Variants in ZNF675 observed in about 807,000 individuals in gnomAD.
The protein encoded by ZNF675 is TRAF6 inhibitory zinc finger.
A neutral mutation model predicts 56.1 loss-of-function variants in ZNF675; 36 were observed. The observed-to-expected ratio is 0.64, with a 90% CI of 0.49 to 0.85. The LOEUF is 0.85. ZNF675 is among the 40% of genes least tolerant of loss of function. The probability of loss-of-function intolerance (pLI) is 0.00; values close to 1 mark genes in which losing one functional copy is unlikely to be tolerated. For missense variants in ZNF675, 663 were observed against 654.2 expected (o/e 1.01, Z -0.15); for synonymous variants, 200 against 218.9 (o/e 0.91, Z 0.76).
At position 23,678,127 on chromosome 19, in the gene ZNF675, A is replaced by G. The variant is rs1292978316; in HGVS notation, c.3+8904T>C. Reference sequence around the variant, plus strand: ...CAAGAGTAAAACTGTCTTGGGGGGAAAAAAAGTCAGAGATGACGCAAACAA... The same window carrying G: ...CAAGAGTAAAACTGTCTTGGGGGGAGAAAAAGTCAGAGATGACGCAAACAA... On this transcript the variant is annotated intron_variant, in intron 1 of 3. Transcript: ENST00000359788. Among the ~76,000 whole-genome samples the G allele has an allele frequency of 1.3e-5, 2 of 151,778 alleles. 1 individual carries two copies. Among genetic ancestry groups the G allele is most frequent in the African/African-American group, 4.9e-5 (2 of 41,068 alleles).
chr19:23,665,779 A>G (rs1243757629), intron 1 of ZNF675, among the ~76,000 whole-genome samples: 2 of 152,182 alleles, frequency 1.3e-5, no homozygotes, highest in African/African-American at 4.8e-5. Flanking sequence ...GATTAAAGGC[A>G]TGAGCCATGG....
chr19:23,660,820 G>A (rs976696036), intron 3 of ZNF675, among the ~76,000 whole-genome samples: 9 of 151,712 alleles, frequency 5.9e-5, no homozygotes, highest in Admixed American at 5.3e-4. Context: ...GTTTTTCACA[G>A]TAATAAAAAA....
At chr19:23,669,738 A>G (rs2144939054) in intron 1 of ZNF675, among the ~76,000 whole-genome samples, 1 of 152,214 alleles carries the variant, frequency 6.6e-6, no homozygotes, top group East Asian at 1.9e-4. Context: ...CTGTAATGCC[A>G]GCTACTCAGG....
At chr19:23,684,255 C>G (rs1263128592) in intron 1 of ZNF675, among the ~76,000 whole-genome samples, 1 of 149,838 alleles carries the variant, frequency 6.7e-6, no homozygotes, top group Non-Finnish European at 1.5e-5. Context: ...AATCGAGACT[C>G]CGTCTCAAAA....
intron 3 of ZNF675, among the ~76,000 whole-genome samples, chr19:23,659,082 G>A (rs193098992): frequency 9.2e-4 from 139 of 151,196 alleles, no homozygotes; most frequent in African/African-American, 3.2e-3. Context: ...AAATATCTGC[G>A]AATAAATTAT....
chr19:23,682,788 T>C (rs1207248837), intron 1 of ZNF675, among the ~76,000 whole-genome samples: 4 of 151,824 alleles, frequency 2.6e-5, no homozygotes, highest in Admixed American at 2.0e-4. Flanking sequence ...AGTGTTAGTA[T>C]ATAAAAAGAA....
At chr19:23,660,669 A>G (rs1968064119) in intron 3 of ZNF675, among the ~76,000 whole-genome samples, 1 of 152,168 alleles carries the variant, frequency 6.6e-6, no homozygotes, top group African/African-American at 2.4e-5. Context: ...ACAGTGAGAG[A>G]TATCAGTGAA....
rs755314843 is a variant in ZNF675 at position 23,653,203 on chromosome 19, T to C, written c.*23A>G. On this transcript the variant is annotated 3_prime_UTR_variant, in exon 4 of 4. Transcript: ENST00000359788. ...TGATTTCCTTTATATTTAGAAAAAT[T>C]TGAGGTGTTGTCAAAATCATTATCA... 1 of 1,539,130 alleles carries C rather than the reference T, an allele frequency of 6.5e-7. No individual in the cohort carries two copies. The highest frequency in any genetic ancestry group is 2.3e-5 in the East Asian group (1 of 44,206).
Position 23,683,081 on chromosome 19 carries a change from C to G in ZNF675, c.3+3950G>C, listed in dbSNP as rs187891605. Among the ~76,000 whole-genome samples, 103 of 151,076 alleles carry G rather than the reference C, an allele frequency of 6.8e-4. 2 individuals carry two copies. The highest frequency in any genetic ancestry group is 9.9e-4 in the Non-Finnish European group (67 of 67,920). ...GTGCGCATCTGTAATCCCAGCTACT[C>G]GGGTGGCTGAGGCAGAAGAATCACT... is the stretch of plus-strand genomic sequence containing the variant. On this transcript the variant is annotated intron_variant, in intron 1 of 3. Transcript: ENST00000359788.
rs767970988 is a variant in ZNF675 at position 23,653,438 on chromosome 19, T to C, written c.1495A>G (p.Lys499Glu). The change falls in exon 4 of 4, where the codon AAA becomes GAA. Residue 499 changes from lysine (K) to glutamate (E), a missense_variant. Transcript: ENST00000359788. ...FKHSSSLTTH[K>E]RIHTGEKPYK... ...GGTTTCTCCCCAGTATGAATTCTTT[T>C]ATGTGTAGTAAGGGATGAGGAGTGT... 1.9e-6 allele frequency: 3 copies of C among 1,612,954 alleles called. No individual in the cohort carries two copies. Among genetic ancestry groups the C allele is most frequent in the South Asian group, 2.2e-5 (2 of 91,056 alleles).
chr19:23,656,787 C>T (rs1351853656), intron 3 of ZNF675: 1 of 151,820 alleles, frequency 6.6e-6, no homozygotes, highest in Admixed American at 6.6e-5. Flanking sequence ...CTTAATTAGT[C>T]ACACTCATAG....
intron 1 of ZNF675, among the ~76,000 whole-genome samples, chr19:23,665,188 T>C (rs1481292612): frequency 1.3e-5 from 2 of 151,540 alleles, no homozygotes; most frequent in African/African-American, 4.8e-5. Flanking sequence ...CTACTAAAAA[T>C]ACAAAAATTA....
At chr19:23,668,793 G>A (rs1329472195) in intron 1 of ZNF675, among the ~76,000 whole-genome samples, 2 of 152,196 alleles carry the variant, frequency 1.3e-5, no homozygotes, top group African/African-American at 4.8e-5. Flanking sequence ...CATTGCCCGG[G>A]GCGGGCAGGG....
intron 1 of ZNF675, among the ~76,000 whole-genome samples, chr19:23,683,915 T>G (rs919755668): frequency 6.6e-6 from 1 of 152,134 alleles, no homozygotes; most frequent in Non-Finnish European, 1.5e-5. Flanking sequence ...TCTTTGCACA[T>G]ATTTTCTTCC....
At chr19:23,676,849 T>C (rs1286576907) in intron 1 of ZNF675, among the ~76,000 whole-genome samples, 7 of 150,116 alleles carry the variant, frequency 4.7e-5, no homozygotes, top group Non-Finnish European at 7.4e-5. Flanking sequence ...CCGAGGTGGG[T>C]GGATCACGAG....
intron 3 of ZNF675, among the ~76,000 whole-genome samples, chr19:23,660,893 A>G (rs541424659): frequency 1.3e-5 from 2 of 152,144 alleles, no homozygotes; most frequent in East Asian, 3.9e-4. Flanking sequence ...AGCTTGAGAA[A>G]AAAGAACAAA....
At chr19:23,663,381 T>C (rs1408915959) in intron 1 of ZNF675, among the ~76,000 whole-genome samples, 2 of 152,138 alleles carry the variant, frequency 1.3e-5, no homozygotes, top group African/African-American at 4.8e-5. Context: ...GTATATATAA[T>C]AATTTTCTAA....
rs1241240806 is a variant in ZNF675 at position 23,676,141 on chromosome 19, A to T, written c.3+10890T>A. Among the ~76,000 whole-genome samples the T allele has an allele frequency of 2.6e-5, 4 of 151,630 alleles. No individual in the cohort carries two copies. In the East Asian group the frequency reaches 7.7e-4, roughly 29 times the overall value. On this transcript the variant is annotated intron_variant, in intron 1 of 3. Coordinates refer to ENST00000359788, the MANE Select transcript of ZNF675 (RefSeq NM_138330.3). ...ATTCCTGGACAAATACCTCCTCCCTAGACTGAACAAAAAAGAAATTGAACC... is the reference window on the plus strand; with the variant it reads ...ATTCCTGGACAAATACCTCCTCCCTTGACTGAACAAAAAAGAAATTGAACC...
chr19:23,663,206 A>T (rs1228723910), intron 1 of ZNF675, 48 bp from the exon 2 acceptor site: 1 of 1,569,106 alleles, frequency 6.4e-7, no homozygotes, highest in Admixed American at 1.9e-5. Flanking sequence ...GCCAACAGAG[A>T]TTATAATTTG....
Sources: gnomAD v4.1 joint callset for allele counts (sites outside exome capture counted in the v4.1 genomes callset) on GRCh38, gnomAD v4.1.1 for gene constraint, MANE v1.5 for transcripts, NCBI Gene and HGNC (gene_info 2026-07-23, HGNC 2026-07-21) for gene names.